Variants in NDUFA10 observed in about 807,000 individuals in gnomAD.
NDUFA10 encodes NADH:ubiquinone oxidoreductase subunit A10.
NDUFA10 carries 40 observed loss-of-function variants against 47.8 expected under a neutral mutation model. The ratio of observed to expected loss-of-function variants is 0.84; its 90% CI spans 0.65 to 1.09. The LOEUF is 1.09. Ranked by LOEUF, NDUFA10 falls within the 50% of genes least tolerant of loss-of-function variation. NDUFA10 has a pLI of 0.00. For synonymous variants in NDUFA10, 183 were observed against 172.2 expected, an observed-to-expected ratio of 1.06 and a Z score of -0.49; for missense variants, 413 against 451.1, an observed-to-expected ratio of 0.92 and a Z score of 0.76.
intron 4 of NDUFA10, among the ~76,000 whole-genome samples, chr2:239,915,681 C>CA (rs1157344396): frequency 6.7e-6 from 1 of 150,126 alleles, no homozygotes; most frequent in African/African-American, 2.5e-5. Context: ...AACATATACA[C>CA]ACACAGAACA....
At chr2:240,018,021 C>T in intron 4 of NDUFA10, 1 of 840,176 alleles carries the variant, frequency 1.2e-6, no homozygotes, top group Non-Finnish European at 1.9e-6. Context: ...GGTCAGCCTG[C>T]TTCAAACCAG....
intron 9 of NDUFA10, among the ~76,000 whole-genome samples, chr2:239,979,606 C>T (rs1191229348): frequency 6.6e-6 from 1 of 152,052 alleles, no homozygotes; most frequent in Non-Finnish European, 1.5e-5. Context: ...AGAGACAGTG[C>T]CTACTCTCAG....
intron 9 of NDUFA10, among the ~76,000 whole-genome samples, chr2:239,968,583 AT>A (rs1353952120): frequency 6.6e-6 from 1 of 152,222 alleles, no homozygotes; most frequent in East Asian, 1.9e-4. Context: ...TGGTGGTTGC[AT>A]CTGACTCTGG....
intron 4 of NDUFA10, among the ~76,000 whole-genome samples, chr2:239,920,898 G>A (rs1693963697): frequency 6.6e-6 from 1 of 152,090 alleles, no homozygotes; most frequent in Non-Finnish European, 1.5e-5. Context: ...TAATCTTTGG[G>A]CAACCCCTCT....
At chr2:240,006,844 T>C (rs1013337722) in intron 7 of NDUFA10, among the ~76,000 whole-genome samples, 2 of 152,226 alleles carry the variant, frequency 1.3e-5, no homozygotes, top group Non-Finnish European at 2.9e-5. Flanking sequence ...TACAATCGTA[T>C]AGTTTGTTTT....
chr2:240,017,249 G>A (rs569002238), intron 4 of NDUFA10, among the ~76,000 whole-genome samples: 2 of 152,280 alleles, frequency 1.3e-5, no homozygotes, highest in Non-Finnish European at 1.5e-5. Context: ...TCCTCGCCGA[G>A]GCGCAGCTCC....
In NDUFA10 at chr2:239,914,610, TAC is replaced by T. The variant is rs1416642166; in HGVS notation, c.295-19298_295-19297del. On this transcript the variant is annotated intron_variant, in intron 4 of 5. Transcript: ENST00000419408. ...ATACATACATAGACACACACAAATATACAGAGATACACATACACACACAGAAC... is the reference window on the plus strand; with the variant it reads ...ATACATACATAGACACACACAAATATAGAGATACACATACACACACAGAAC... Among the ~76,000 whole-genome samples, 70 of 102,008 alleles carry T rather than the reference TAC, an allele frequency of 6.9e-4. 8 individuals are homozygous for T. Among genetic ancestry groups the T allele is most frequent in the African/African-American group, 3.0e-3 (67 of 22,014 alleles). 66.9% of individuals were successfully genotyped at this position (102,008 alleles called of 152,430 possible). A position where few individuals can be genotyped will look rare whatever the true frequency, so the allele number is the denominator to read the frequency against.
chr2:239,900,315 C>CATATATAT (rs142452963), intron 4 of NDUFA10, among the ~76,000 whole-genome samples: 65 of 142,650 alleles, frequency 4.6e-4, no homozygotes, highest in African/African-American at 6.3e-4. Context: ...AACTCCCCTT[C>CATATATAT]ATATATATAT....
intron 4 of NDUFA10, among the ~76,000 whole-genome samples, chr2:239,930,707 G>A (rs1331214233): frequency 6.6e-6 from 1 of 152,174 alleles, no homozygotes; most frequent in East Asian, 1.9e-4. Flanking sequence ...CGGACCAGAG[G>A]GCGTGCAGAA....
intron 8 of NDUFA10, among the ~76,000 whole-genome samples, chr2:239,996,692 C>T (rs958349676): frequency 6.6e-6 from 1 of 152,226 alleles, no homozygotes; most frequent in African/African-American, 2.4e-5. Context: ...TGCACACACT[C>T]CCCACACACT....
intron 9 of NDUFA10, among the ~76,000 whole-genome samples, chr2:239,975,732 C>T (rs1173502048): frequency 1.3e-5 from 2 of 152,142 alleles, no homozygotes; most frequent in African/African-American, 4.8e-5. Flanking sequence ...CATGACACTC[C>T]AGCCCCCAGC....
chr2:239,935,786 C>A (rs770850398), intron 4 of NDUFA10, among the ~76,000 whole-genome samples: 1 of 152,204 alleles, frequency 6.6e-6, no homozygotes, highest in African/African-American at 2.4e-5. Context: ...TTCTCTTTTG[C>A]CTGCCGCCAT....
intron 8 of NDUFA10, among the ~76,000 whole-genome samples, chr2:239,999,580 A>G (rs1168362493): frequency 6.6e-6 from 1 of 152,186 alleles, no homozygotes; most frequent in Non-Finnish European, 1.5e-5. Context: ...CTCAACTGCC[A>G]GTTTCCCACT....
chr2:239,943,376 G>T (rs534106994), intron 4 of NDUFA10, among the ~76,000 whole-genome samples: 1 of 152,122 alleles, frequency 6.6e-6, no homozygotes, highest in Non-Finnish European at 1.5e-5. Flanking sequence ...TGCCACACAG[G>T]CTGGATGGAG....
At chr2:239,893,643 C>T (rs1693336358) in intron 5 of NDUFA10, among the ~76,000 whole-genome samples, 1 of 152,138 alleles carries the variant, frequency 6.6e-6, no homozygotes, top group East Asian at 1.9e-4. Context: ...CAAGCCCTTC[C>T]ATAAGGCACT....
intron 9 of NDUFA10, among the ~76,000 whole-genome samples, chr2:239,985,050 G>A (rs79151361): frequency 0.037 from 5,563 of 152,240 alleles, 124 homozygotes; most frequent in Middle Eastern, 0.1. Context: ...GCCAGAAGAC[G>A]GTAAAGCGCA....
chr2:239,901,744 T>C (rs372817112), intron 4 of NDUFA10, among the ~76,000 whole-genome samples: 21 of 151,188 alleles, frequency 1.4e-4, no homozygotes, highest in African/African-American at 5.1e-4. Flanking sequence ...TCATTCTAGA[T>C]GCCAGTAAGA....
intron 2 of NDUFA10, 129 bp from the exon 3 acceptor site, chr2:240,021,541 A>C: frequency 1.3e-6 from 1 of 786,646 alleles, no homozygotes; most frequent in Non-Finnish European, 2.2e-6. Context: ...TGACCTAGAG[A>C]AAGTCACCTA....
Position 240,016,534 on chromosome 2 carries a change from G to A in NDUFA10, c.548-1674C>T, listed in dbSNP as rs1408366223. The stretch of plus-strand genomic sequence containing the variant: ...ATCACCAGCCCCCGAAAGGTGAAAC[G>A]TGACAGTCACTTCTCAGTTCCCATC... On this transcript the variant is annotated intron_variant, in intron 4 of 9. Transcript: ENST00000252711. This position sits in a 1 kb window ranked among gnomAD's most constrained non-coding sequence, Gnocchi z 4.4. Among the ~76,000 whole-genome samples the A allele has an allele frequency of 1.3e-5, 2 of 152,058 alleles. No homozygotes were observed. The highest frequency in any genetic ancestry group is 2.1e-4 in the South Asian group (1 of 4,826).
Sources: allele counts gnomAD v4.1 joint callset (sites outside exome capture counted in the v4.1 genomes callset), GRCh38; gene constraint gnomAD v4.1.1; non-coding constraint Gnocchi (gnomAD v3.1); transcripts MANE v1.5; gene names NCBI Gene and HGNC (gene_info 2026-07-23, HGNC 2026-07-21).